CRAMP1: variants seen among roughly 807,000 people sequenced by gnomAD.
CRAMP1 encodes the protein protein cramped-like.
Under a neutral mutation model 115.4 loss-of-function variants are expected in CRAMP1, and 50 were observed. The ratio of observed to expected loss-of-function variants is 0.43; its 90% CI spans 0.35 to 0.55. The LOEUF (loss-of-function observed/expected upper bound fraction) is 0.55. Ranked by LOEUF, CRAMP1 falls within the 20% of genes least tolerant of loss-of-function variation. The probability of loss-of-function intolerance (pLI) is 0.01; values close to 1 mark genes in which losing one functional copy is unlikely to be tolerated. For missense variants in CRAMP1, 1,679 were observed against 1,721.7 expected, an observed-to-expected ratio of 0.98 and a Z score of 0.44; for synonymous variants, 866 against 745.4, an observed-to-expected ratio of 1.16 and a Z score of -2.64.
chr16:1,659,792 C>A, intron 10 of CRAMP1, 94 bp from the exon 11 acceptor site: 1 of 1,202,904 alleles, frequency 8.3e-7, no homozygotes, highest in Non-Finnish European at 1.2e-6. Flanking sequence ...GCTTTCTGAG[C>A]TCGATGATTT....
rs12448154 is a variant in CRAMP1 at position 1,671,339 on chromosome 16, C to T, written c.3645+530C>T. ...CGCCCAGGGTAGTGATAGGAGGAGTCACTGGGGCAGGTTCTTGAGGGGAAG... is the reference window on the plus strand; with the variant it reads ...CGCCCAGGGTAGTGATAGGAGGAGTTACTGGGGCAGGTTCTTGAGGGGAAG... On this transcript the variant is annotated intron_variant, in intron 20 of 20. Coordinates refer to ENST00000397412, the MANE Select transcript of CRAMP1 (RefSeq NM_020825.4). This position sits in a 1 kb window ranked among gnomAD's most constrained non-coding sequence, Gnocchi z 5.0. Among the ~76,000 whole-genome samples, 3,353 of 152,262 alleles carry T rather than the reference C, an allele frequency of 0.022. 235 individuals are homozygous for T. Among genetic ancestry groups the T allele is most frequent in the Admixed American group, 0.13 (1,969 of 15,290 alleles).
intron 2 of CRAMP1, among the ~76,000 whole-genome samples, chr16:1,624,476 C>T (rs967240085): frequency 3.3e-5 from 5 of 151,532 alleles, no homozygotes; most frequent in Non-Finnish European, 4.4e-5. Flanking sequence ...TGCAGTGGTG[C>T]GATCTCGGCT....
intron 2 of CRAMP1, among the ~76,000 whole-genome samples, chr16:1,615,617 G>C (rs895353813): frequency 4.6e-5 from 7 of 152,342 alleles, no homozygotes; most frequent in Middle Eastern, 3.4e-3. Context: ...GTTCGCCCTT[G>C]TATTCTGAGG....
intron 4 of CRAMP1, among the ~76,000 whole-genome samples, chr16:1,633,759 G>A (rs374548348): frequency 3.9e-5 from 6 of 152,092 alleles, no homozygotes; most frequent in African/African-American, 9.7e-5. Flanking sequence ...CCTTTGCATC[G>A]TTCATTAGTG....
In CRAMP1 at chr16:1,667,402, T is replaced by C. The variant is rs1243166062; in HGVS notation, c.3102+2T>C. ...GAGCCAGTGGCAGACAGTTTCCAGG[T>C]AGAGTGTGCTCTTGGGCTGCTGAGC... On this transcript the variant is annotated splice_donor_variant, in intron 17 of 20. Transcript: ENST00000397412. LOFTEE classifies it high-confidence loss of function. The C allele has an allele frequency of 6.2e-7, 1 of 1,611,546 alleles. No homozygotes were observed. Among genetic ancestry groups the C allele is most frequent in the South Asian group, 1.1e-5 (1 of 91,070 alleles).
At chr16:1,629,057 G>A (rs1464870739) in intron 3 of CRAMP1, among the ~76,000 whole-genome samples, 1 of 152,206 alleles carries the variant, frequency 6.6e-6, no homozygotes. Context: ...TGGCAGGTCT[G>A]CACAGACCCA....
chr16:1,660,124 A>G (rs1019644042), intron 11 of CRAMP1, 61 bp downstream of exon 11: 2 of 1,396,264 alleles, frequency 1.4e-6, no homozygotes, highest in Non-Finnish European at 1.9e-6. Flanking sequence ...CTCAGGCTTC[A>G]GGGGCCGTGC....
intron 3 of CRAMP1, among the ~76,000 whole-genome samples, chr16:1,626,439 C>A (rs979646645): frequency 6.6e-6 from 1 of 152,158 alleles, no homozygotes; most frequent in Non-Finnish European, 1.5e-5. Context: ...TATTCTCACC[C>A]CTTGTCTCTC....
Position 1,640,075 on chromosome 16 carries a change from C to T in CRAMP1, c.779-1064C>T, listed in dbSNP as rs574306962. Among the ~76,000 whole-genome samples, 88 of 152,294 alleles carry T rather than the reference C, an allele frequency of 5.8e-4. 1 individual carries two copies. Among genetic ancestry groups the T allele is most frequent in the South Asian group, 1.2e-3 (6 of 4,824 alleles). On this transcript the variant is annotated intron_variant, in intron 5 of 20. Coordinates refer to ENST00000397412, the MANE Select transcript of CRAMP1 (RefSeq NM_020825.4). ...GCAACCGGTTCCTTTCTTGGTGCCT[C>T]GCCTGGCGACAAGAGCCCTTTCCGG...
rs181633957 is a variant in CRAMP1, at chr16:1,664,998, G to T, written c.2671-59G>T. 3 of 1,163,582 alleles carry T rather than the reference G, an allele frequency of 2.6e-6. No individual in the cohort carries two copies. The East Asian group carries it at 7.0e-5, about 27-fold the overall frequency. The allele number at this position is 1,163,582 out of a possible 1,614,324, so 72.1% of individuals were successfully genotyped here. On this transcript the variant is annotated intron_variant, in intron 13 of 20. Transcript: ENST00000397412. ...TACTTGGGACATTCCTTTGTAACTG[G>T]GAGTGATTTTTTGGTATGGGAGTTT...
intron 13 of CRAMP1, 71 bp from the exon 14 acceptor site, chr16:1,664,986 C>G (rs376344673): frequency 1.9e-6 from 2 of 1,067,752 alleles, no homozygotes; most frequent in Non-Finnish European, 2.9e-6. Context: ...TTGGGACATT[C>G]CTTTGTAACT....
rs1233266090 is a variant in CRAMP1, at chr16:1,676,602, CATGCTGTAATTAAG to C, written c.*2561_*2574del. On this transcript the variant is annotated 3_prime_UTR_variant, in exon 21 of 21. Coordinates refer to ENST00000397412, the MANE Select transcript of CRAMP1 (RefSeq NM_020825.4). ...CTGTGGCTTCCTTTGTGCATTTGAG[CATGCTGTAATTAAG>C]ATGAGATCAGTTTCTTAGAAAAAGC... 1 of 152,230 alleles carries C rather than the reference CATGCTGTAATTAAG, an allele frequency of 6.6e-6. No individual in the cohort carries two copies. The highest frequency in any genetic ancestry group is 1.5e-5 in the Non-Finnish European group (1 of 68,048). 9.4% of individuals were successfully genotyped at this position (152,230 alleles called of 1,614,324 possible).
intron 2 of CRAMP1, among the ~76,000 whole-genome samples, chr16:1,624,329 C>T (rs922741743): frequency 1.3e-5 from 2 of 151,472 alleles, no homozygotes; most frequent in African/African-American, 4.9e-5. Context: ...CCTTCTGGGT[C>T]GATGAAGAAG....
At chr16:1,620,487 A>C in intron 2 of CRAMP1, 1 of 393,846 alleles carries the variant, frequency 2.5e-6, no homozygotes, top group Non-Finnish European at 5.4e-6. Context: ...ACTCCCTCGC[A>C]GTTGGTGTTC....
chr16:1,630,562 G>A (rs1221472882), intron 3 of CRAMP1, among the ~76,000 whole-genome samples: 2 of 152,308 alleles, frequency 1.3e-5, no homozygotes, highest in South Asian at 4.1e-4. Context: ...CACTGTGAGG[G>A]TATGAGCACA....
chr16:1,617,219 T>C (rs2036427785), intron 2 of CRAMP1, among the ~76,000 whole-genome samples: 1 of 152,212 alleles, frequency 6.6e-6, no homozygotes, highest in African/African-American at 2.4e-5. Context: ...ATCACAGAAC[T>C]TCTCGGCCAC....
intron 18 of CRAMP1, 145 bp downstream of exon 18, chr16:1,668,338 A>G: frequency 1.5e-6 from 1 of 678,838 alleles, no homozygotes; most frequent in East Asian, 2.7e-5. Flanking sequence ...GCCTGTCTCC[A>G]GCAGGGACCT....
chr16:1,638,277 A>C (rs1302280427), intron 5 of CRAMP1, among the ~76,000 whole-genome samples: 1 of 152,170 alleles, frequency 6.6e-6, no homozygotes, highest in Non-Finnish European at 1.5e-5. Flanking sequence ...GACTTTTAGC[A>C]TTTACCAAAC....
At chr16:1,640,991 G>A (rs763471727) in intron 5 of CRAMP1, 148 bp from the exon 6 acceptor site, 7 of 588,794 alleles carry the variant, frequency 1.2e-5, no homozygotes, top group Non-Finnish European at 2.1e-5. Context: ...GGGAGGGGCT[G>A]CAGCTACTGT....
Sources: allele counts gnomAD v4.1 joint callset (sites outside exome capture counted in the v4.1 genomes callset), GRCh38; gene constraint gnomAD v4.1.1; non-coding constraint Gnocchi (gnomAD v3.1); transcripts MANE v1.5; gene names NCBI Gene and HGNC (gene_info 2026-07-23, HGNC 2026-07-21).